Variants in ZBTB7C observed in about 807,000 individuals in gnomAD.
The protein encoded by ZBTB7C is zinc finger and BTB domain containing 7C.
Under a neutral mutation model 25.7 loss-of-function variants are expected in ZBTB7C, and 8 were observed. The observed-to-expected ratio is 0.31, with a 90% CI of 0.18 to 0.56. ZBTB7C has a LOEUF of 0.56. Among genes scored for constraint, ZBTB7C ranks in the 20% least tolerant of loss-of-function variants. The pLI, the probability that ZBTB7C is intolerant of heterozygous loss-of-function variation, is 0.91. For missense variants in ZBTB7C, 824 were observed against 855.2 expected, an observed-to-expected ratio of 0.96 and a Z score of 0.46; for synonymous variants, 394 against 369.0, an observed-to-expected ratio of 1.07 and a Z score of -0.78.
chr18:48,090,697 CCGGCCAGGCACT>C (rs1201707475), intron 3 of ZBTB7C, among the ~76,000 whole-genome samples: 1,964 of 152,290 alleles, frequency 0.013, 50 homozygotes, highest in African/African-American at 0.045. Flanking sequence ...GAAAAGTTGT[CCGGCCAGGCACT>C]TGGCTGCAGG....
At chr18:48,141,152 C>CA (rs931375458) in intron 3 of ZBTB7C, among the ~76,000 whole-genome samples, 5 of 145,612 alleles carry the variant, frequency 3.4e-5, no homozygotes, top group African/African-American at 1.0e-4. Flanking sequence ...CACCACCCCC[C>CA]CCACTGTTCC....
At chr18:48,125,814 G>T (rs897456779) in intron 3 of ZBTB7C, among the ~76,000 whole-genome samples, 1 of 152,242 alleles carries the variant, frequency 6.6e-6, no homozygotes, top group African/African-American at 2.4e-5. Context: ...ACACTGTACA[G>T]CAGATAAAGT....
chr18:48,192,695 CAGGT>C (rs1251071275), intron 2 of ZBTB7C, among the ~76,000 whole-genome samples: 2 of 152,228 alleles, frequency 1.3e-5, no homozygotes, highest in African/African-American at 2.4e-5. Flanking sequence ...CTCTGGACCT[CAGGT>C]GATCTGCCTG....
rs548252089 is a variant in ZBTB7C at position 48,278,441 on chromosome 18, T to C, written c.-79+59733A>G. 2.0e-5 allele frequency among the ~76,000 whole-genome samples: 3 copies of C among 151,234 alleles called. No homozygotes were observed. The Admixed American group carries it at 2.0e-4, about 10-fold the overall frequency. ...CAGAATCCTCCCCAAATTCTTTTTT[T>C]TCTTTTTTTTTTTTGAGACAGTCTT... On this transcript the variant is annotated intron_variant, in intron 2 of 4. Transcript: ENST00000590800.
chr18:48,238,967 G>C (rs2043452761), intron 2 of ZBTB7C, among the ~76,000 whole-genome samples: 1 of 152,148 alleles, frequency 6.6e-6, no homozygotes, highest in Non-Finnish European at 1.5e-5. Flanking sequence ...CGGTGGGAGT[G>C]AGACTGGCCT....
chr18:48,042,285 C>A (rs545983652), intron 3 of ZBTB7C, among the ~76,000 whole-genome samples: 1 of 152,140 alleles, frequency 6.6e-6, no homozygotes, highest in South Asian at 2.1e-4. Flanking sequence ...ACAAAACAAA[C>A]AACAAATCAG....
chr18:48,355,521 C>T (rs1477168030), intron 1 of ZBTB7C, among the ~76,000 whole-genome samples: 1 of 152,184 alleles, frequency 6.6e-6, no homozygotes, highest in African/African-American at 2.4e-5. Context: ...TCCTAGGAAC[C>T]CCACTTAGCC....
chr18:48,246,447 A>C (rs2043696963), intron 2 of ZBTB7C, among the ~76,000 whole-genome samples: 1 of 151,384 alleles, frequency 6.6e-6, no homozygotes. Flanking sequence ...AATAAATAAT[A>C]AAATAATAAT....
At chr18:48,252,088 A>G (rs1407694134) in intron 2 of ZBTB7C, 1 of 152,200 alleles carries the variant, frequency 6.6e-6, no homozygotes, top group African/African-American at 2.4e-5. Flanking sequence ...TAATCAATAA[A>G]TGTTTGTTAA....
At chr18:48,137,301 C>T in intron 3 of ZBTB7C, 7 of 985,478 alleles carry the variant, frequency 7.1e-6, no homozygotes, top group Non-Finnish European at 8.4e-6. Flanking sequence ...CACTTTATGA[C>T]ACCAAATTAA....
At chr18:48,286,627 T>C (rs1598784406) in intron 2 of ZBTB7C, among the ~76,000 whole-genome samples, 1 of 152,162 alleles carries the variant, frequency 6.6e-6, no homozygotes, top group East Asian at 1.9e-4. Context: ...AGTATTAGGG[T>C]GGAAAATTTA....
chr18:48,409,490 C>T (rs1217061324), upstream of ZBTB7C: 1 of 146,670 alleles, frequency 6.8e-6, no homozygotes, highest in Non-Finnish European at 1.5e-5. Context: ...AGCCCCGCGC[C>T]CCGCGCCCCG....
At chr18:48,084,746 C>A (rs1456943366) in intron 3 of ZBTB7C, among the ~76,000 whole-genome samples, 4 of 152,204 alleles carry the variant, frequency 2.6e-5, no homozygotes, top group African/African-American at 9.6e-5. Context: ...TAGCATGGGT[C>A]TCATGCACCT....
chr18:48,376,208 C>T (rs1338563844), intron 1 of ZBTB7C, among the ~76,000 whole-genome samples: 2 of 152,214 alleles, frequency 1.3e-5, no homozygotes, highest in East Asian at 3.8e-4. Flanking sequence ...TTGTGACTGA[C>T]ACTTGTTTAA....
At chr18:48,336,472 TC>T (rs2046459987) in intron 2 of ZBTB7C, among the ~76,000 whole-genome samples, 1 of 152,192 alleles carries the variant, frequency 6.6e-6, no homozygotes, top group East Asian at 1.9e-4. Context: ...GATAGTATCG[TC>T]CCTGTTTTTG....
intron 2 of ZBTB7C, among the ~76,000 whole-genome samples, chr18:48,242,075 T>C (rs1288340882): frequency 6.6e-6 from 1 of 152,142 alleles, no homozygotes; most frequent in Admixed American, 6.5e-5. Flanking sequence ...AATATGTTTA[T>C]GTGCACAAAC....
chr18:48,168,126 G>A (rs1599016469), intron 3 of ZBTB7C, among the ~76,000 whole-genome samples: 1 of 152,344 alleles, frequency 6.6e-6, no homozygotes, highest in Non-Finnish European at 1.5e-5. Flanking sequence ...CCTATGGGGA[G>A]CAAAGGGCAG....
chr18:48,203,033 C>T (rs1426927034), intron 2 of ZBTB7C, among the ~76,000 whole-genome samples: 1 of 152,096 alleles, frequency 6.6e-6, no homozygotes, highest in Non-Finnish European at 1.5e-5. Flanking sequence ...CTCACCCAGC[C>T]ACGGCCCCTC....
intron 2 of ZBTB7C, among the ~76,000 whole-genome samples, chr18:48,270,229 A>C (rs950483521): frequency 4.0e-5 from 6 of 151,298 alleles, no homozygotes; most frequent in African/African-American, 7.3e-5. Context: ...ACCAAAACCT[A>C]AACCTAGTTC....
Sources: gnomAD v4.1 joint callset for allele counts (sites outside exome capture counted in the v4.1 genomes callset) on GRCh38, gnomAD v4.1.1 for gene constraint, MANE v1.5 for transcripts, NCBI Gene and HGNC (gene_info 2026-07-23, HGNC 2026-07-21) for gene names.